The following GABRA2 variants were observed in gnomAD, a reference collection of about 807,000 sequenced individuals.
GABRA2 encodes the protein gamma-aminobutyric acid type A receptor subunit alpha2.
Under a neutral mutation model 48.7 loss-of-function variants are expected in GABRA2, and 16 were observed. That is an observed-to-expected ratio of 0.33 (90% CI 0.22 to 0.50). GABRA2 has a LOEUF of 0.50. Among genes scored for constraint, GABRA2 ranks in the 20% least tolerant of loss-of-function variants. The probability of loss-of-function intolerance (pLI) is 0.98; values close to 1 mark genes in which losing one functional copy is unlikely to be tolerated. For synonymous variants in GABRA2, 185 were observed against 184.5 expected (o/e 1.00, Z -0.02); for missense variants, 275 against 535.6 (o/e 0.51, Z 4.80).
At position 46,243,690 on chromosome 4, in the gene GABRA2, A is replaced by T. The variant is rs911660306; in HGVS notation, c.*6618T>A. 2 of 151,456 alleles carry T rather than the reference A, an allele frequency of 1.3e-5. No individual in the cohort carries two copies. Among genetic ancestry groups the T allele is most frequent in the African/African-American group, 4.8e-5 (2 of 41,378 alleles). 9.4% of individuals were successfully genotyped at this position (151,456 alleles called of 1,614,324 possible). On this transcript the variant is annotated 3_prime_UTR_variant, in exon 10 of 10. Coordinates refer to ENST00000381620, the MANE Select transcript of GABRA2 (RefSeq NM_000807.4). ...ACTAGTGGCCTTTCCCAATTACAAC[A>T]AGGTCACAATTACAAATATTAGTTC... is the stretch of plus-strand genomic sequence containing the variant.
At chr4:46,297,429 T>A (rs756757906) in intron 8 of GABRA2, among the ~76,000 whole-genome samples, 58 of 142,918 alleles carry the variant, frequency 4.1e-4, no homozygotes, top group Admixed American at 8.7e-4. Context: ...AGTTGGCCTA[T>A]TGTGGGACCT....
chr4:46,321,982 G>A (rs915821492), intron 4 of GABRA2, among the ~76,000 whole-genome samples: 19 of 151,930 alleles, frequency 1.3e-4, no homozygotes, highest in Non-Finnish European at 2.8e-4. Flanking sequence ...ATGCCCCATG[G>A]GAGATCCAGT....
At chr4:46,311,036 TTCTA>T (rs1727563023) in intron 5 of GABRA2, among the ~76,000 whole-genome samples, 2 of 152,298 alleles carry the variant, frequency 1.3e-5, no homozygotes, top group Admixed American at 1.3e-4. Context: ...ATGGCTTAAA[TTCTA>T]AGAAAATGTT....
At chr4:46,261,808 G>A (rs532396778) in intron 9 of GABRA2, 118 bp downstream of exon 9, 2 of 868,244 alleles carry the variant, frequency 2.3e-6, no homozygotes, top group African/African-American at 1.7e-5. Flanking sequence ...AAATTGATAT[G>A]ATTCAAATTC....
chr4:46,307,846 A>G (rs1387974992), intron 6 of GABRA2, among the ~76,000 whole-genome samples: 1 of 152,190 alleles, frequency 6.6e-6, no homozygotes, highest in East Asian at 1.9e-4. Context: ...GGTGAAAATA[A>G]TGCAGCAGAA....
At chr4:46,315,051 T>A (rs1484369186) in intron 4 of GABRA2, among the ~76,000 whole-genome samples, 1 of 152,084 alleles carries the variant, frequency 6.6e-6, no homozygotes, top group East Asian at 1.9e-4. Context: ...TTAAGTTCTT[T>A]GAGAAATTTC....
At chr4:46,317,643 T>G (rs1327254917) in intron 4 of GABRA2, among the ~76,000 whole-genome samples, 1 of 151,474 alleles carries the variant, frequency 6.6e-6, no homozygotes, top group Non-Finnish European at 1.5e-5. Flanking sequence ...ATTCAGAAGA[T>G]TACTGATAAA....
chr4:46,270,580 T>A (rs938962554), intron 8 of GABRA2, among the ~76,000 whole-genome samples: 1 of 151,990 alleles, frequency 6.6e-6, no homozygotes, highest in African/African-American at 2.4e-5. Context: ...GAGGCTCTTT[T>A]GTCAATTAAA....
intron 9 of GABRA2, among the ~76,000 whole-genome samples, chr4:46,255,600 T>A (rs1715659233): frequency 6.6e-6 from 1 of 151,594 alleles, no homozygotes; most frequent in Non-Finnish European, 1.5e-5. Context: ...GTTTGTTGAA[T>A]GTTCAGTTGT....
At chr4:46,378,257 G>C (rs1716239015) in intron 3 of GABRA2, among the ~76,000 whole-genome samples, 1 of 152,210 alleles carries the variant, frequency 6.6e-6, no homozygotes, top group Non-Finnish European at 1.5e-5. Context: ...TCGGATGGTT[G>C]CCGTGTCTGT....
chr4:46,362,277 G>A (rs1328328470), intron 3 of GABRA2, among the ~76,000 whole-genome samples: 1 of 152,126 alleles, frequency 6.6e-6, no homozygotes, highest in Non-Finnish European at 1.5e-5. Flanking sequence ...GAGATCTGAT[G>A]ATTTTAAAAG....
At chr4:46,293,583 C>T (rs910268379) in intron 8 of GABRA2, among the ~76,000 whole-genome samples, 1 of 152,154 alleles carries the variant, frequency 6.6e-6, no homozygotes, top group Non-Finnish European at 1.5e-5. Flanking sequence ...TGGACTCATC[C>T]TGTGGTCATT....
intron 3 of GABRA2, among the ~76,000 whole-genome samples, chr4:46,383,104 C>T (rs1290278288): frequency 6.6e-6 from 1 of 152,136 alleles, no homozygotes; most frequent in Non-Finnish European, 1.5e-5. Context: ...TGAAACAGTA[C>T]ATTTAGCAAG....
At chr4:46,318,535 GGAT>G (rs1472640376) in intron 4 of GABRA2, among the ~76,000 whole-genome samples, 2 of 151,412 alleles carry the variant, frequency 1.3e-5, no homozygotes, top group Non-Finnish European at 3.0e-5. Flanking sequence ...TATTTGAAAA[GGAT>G]ATTCTTGAAA....
intron 3 of GABRA2, among the ~76,000 whole-genome samples, chr4:46,361,107 T>C (rs557386717): frequency 2.0e-5 from 3 of 152,334 alleles, no homozygotes; most frequent in Non-Finnish European, 4.4e-5. Flanking sequence ...TCCCATTTTC[T>C]GAGGAGAAAT....
chr4:46,260,492 T>C lies in GABRA2; in HGVS notation c.1059+1434A>G, dbSNP rs1396030633. Among the ~76,000 whole-genome samples the C allele has an allele frequency of 3.3e-5, 5 of 151,828 alleles. No individual in the cohort carries two copies. In the South Asian group the frequency reaches 6.2e-4, roughly 19 times the overall value. Reference sequence around the variant, plus strand: ...AGGCATATCATTTCAGAATGTCAATTTGGCACTCTCTAATATTAAAATAAT... The same window carrying C: ...AGGCATATCATTTCAGAATGTCAATCTGGCACTCTCTAATATTAAAATAAT... On this transcript the variant is annotated intron_variant, in intron 9 of 9. Coordinates refer to ENST00000381620, the MANE Select transcript of GABRA2 (RefSeq NM_000807.4).
In GABRA2 at chr4:46,245,283, G is replaced by C. The variant is rs531144766; in HGVS notation, c.*5025C>G. On this transcript the variant is annotated 3_prime_UTR_variant, in exon 10 of 10. Transcript: ENST00000381620. ...GTAAGGTATGAAACAAATCAGTAATGAATATACATAACTTTGTATTTGTAA... is the reference window on the plus strand; with the variant it reads ...GTAAGGTATGAAACAAATCAGTAATCAATATACATAACTTTGTATTTGTAA... Among the ~76,000 whole-genome samples the C allele has an allele frequency of 6.6e-6, 1 of 151,198 alleles. No individual in the cohort carries two copies. The highest frequency in any genetic ancestry group is 2.0e-4 in the East Asian group (1 of 5,128).
chr4:46,346,353 G>C, intron 3 of GABRA2, among the ~76,000 whole-genome samples: 1 of 151,692 alleles, frequency 6.6e-6, no homozygotes, highest in East Asian at 1.9e-4. Context: ...ATACAGTACT[G>C]TATTTGGACA....
chr4:46,292,260 A>G (rs113662693), intron 8 of GABRA2, among the ~76,000 whole-genome samples: 7 of 152,322 alleles, frequency 4.6e-5, no homozygotes, highest in African/African-American at 1.7e-4. Context: ...CTGAGCCTCA[A>G]ATCCGCTAAG....
Sources: gnomAD v4.1 joint callset for allele counts (sites outside exome capture counted in the v4.1 genomes callset) on GRCh38, gnomAD v4.1.1 for gene constraint, MANE v1.5 for transcripts, NCBI Gene and HGNC (gene_info 2026-07-23, HGNC 2026-07-21) for gene names.